The following BDP1 variants were observed in gnomAD, a reference collection of about 807,000 sequenced individuals.
The protein encoded by BDP1 is BDP1 general transcription factor IIIB subunit, also known as transcription factor TFIIIB component B'' homolog.
BDP1 carries 169 observed loss-of-function variants against 266.6 expected under a neutral mutation model. That is an observed-to-expected ratio of 0.63 (90% confidence interval 0.56 to 0.72). BDP1 has a LOEUF of 0.72. Ranked by LOEUF, BDP1 falls within the 30% of genes least tolerant of loss-of-function variation. BDP1 has a pLI of 0.00. For missense variants in BDP1, 3,015 were observed against 3,053.8 expected (o/e 0.99, Z 0.30); for synonymous variants, 1,090 against 1,022.4 (o/e 1.07, Z -1.26).
At chr5:71,552,517 C>T (rs1214220047) in intron 34 of BDP1, among the ~76,000 whole-genome samples, 2 of 152,264 alleles carry the variant, frequency 1.3e-5, no homozygotes, top group Non-Finnish European at 2.9e-5. Context: ...CACCGCACTC[C>T]AGCCTGGGCA....
At chr5:71,482,765 T>A (rs1439246425) in intron 7 of BDP1, among the ~76,000 whole-genome samples, 1 of 152,210 alleles carries the variant, frequency 6.6e-6, no homozygotes, top group African/African-American at 2.4e-5. Flanking sequence ...GTAACATTTG[T>A]TAACTTTTGA....
rs191238264 is a variant in BDP1 at position 71,541,575 on chromosome 5, T to A, written c.6144T>A (p.Thr2048=). 9.3e-4 allele frequency: 1,495 copies of A among 1,612,646 alleles called. 4 individuals are homozygous for A. The highest frequency in any genetic ancestry group is 2.4e-3 in the Admixed American group (143 of 59,970). ...ECQELSSPVI[T]TSPASFEENK... is the part of the protein sequence containing the mutation. Reference sequence around the variant, plus strand: ...AGGAACTTTCTTCACCTGTCATTACTACATCTCCTGCATCATTTGAAGAAA... The same window carrying A: ...AGGAACTTTCTTCACCTGTCATTACAACATCTCCTGCATCATTTGAAGAAA... Residue 2048 remains threonine (T), a synonymous_variant, in exon 29 of 39, where the codon ACT becomes ACA. Coordinates refer to ENST00000358731, the MANE Select transcript of BDP1 (RefSeq NM_018429.3).
At chr5:71,523,577 G>A (rs138686704) in intron 24 of BDP1, among the ~76,000 whole-genome samples, 27 of 152,318 alleles carry the variant, frequency 1.8e-4, no homozygotes, top group African/African-American at 6.5e-4. Context: ...TCCTCCCAAA[G>A]TGCTGGGAGT....
At chr5:71,491,926 T>C (rs1272399911) in intron 11 of BDP1, among the ~76,000 whole-genome samples, 1 of 152,138 alleles carries the variant, frequency 6.6e-6, no homozygotes, top group Non-Finnish European at 1.5e-5. Flanking sequence ...ACCATTTTGC[T>C]CAGGCTGGTC....
intron 16 of BDP1, among the ~76,000 whole-genome samples, chr5:71,508,328 G>A (rs1036055850): frequency 6.0e-5 from 9 of 149,766 alleles, no homozygotes; most frequent in Admixed American, 6.0e-4. Context: ...TTTTGAGATG[G>A]GATCTTGCTC....
intron 8 of BDP1, among the ~76,000 whole-genome samples, chr5:71,484,434 T>A (rs1312864373): frequency 6.6e-6 from 1 of 152,068 alleles, no homozygotes; most frequent in Non-Finnish European, 1.5e-5. Context: ...AGGTAGTGAT[T>A]CATTTCCAAA....
intron 25 of BDP1, among the ~76,000 whole-genome samples, chr5:71,525,758 C>T (rs1437367542): frequency 4.0e-5 from 6 of 151,528 alleles, no homozygotes; most frequent in Non-Finnish European, 7.4e-5. Flanking sequence ...CCCTCCCGGA[C>T]GGGGTGGCTG....
intron 28 of BDP1, among the ~76,000 whole-genome samples, chr5:71,540,167 A>T (rs1005264399): frequency 6.6e-6 from 1 of 152,202 alleles, no homozygotes; most frequent in Non-Finnish European, 1.5e-5. Context: ...ATTAGATGGA[A>T]ATCACAGACA....
chr5:71,525,821 G>T (rs1416899262), intron 25 of BDP1, among the ~76,000 whole-genome samples: 1 of 149,594 alleles, frequency 6.7e-6, no homozygotes, highest in Non-Finnish European at 1.5e-5. Context: ...GGGCGGAGGG[G>T]CTCCTCACTT....
intron 34 of BDP1, among the ~76,000 whole-genome samples, chr5:71,552,345 C>T (rs1357634370): frequency 8.0e-5 from 8 of 99,830 alleles, no homozygotes; most frequent in African/African-American, 2.2e-4. Context: ...ATGGGATGGC[C>T]GCCGGGCAGA....
intron 16 of BDP1, 134 bp downstream of exon 16, chr5:71,504,885 A>G (rs927722358): frequency 2.5e-6 from 2 of 794,596 alleles, no homozygotes; most frequent in African/African-American, 3.5e-5. Flanking sequence ...TTAAAAATAT[A>G]ACTTCACCTT....
intron 5 of BDP1, 51 bp downstream of exon 5, chr5:71,466,272 G>C: frequency 1.2e-6 from 2 of 1,602,090 alleles, no homozygotes; most frequent in Non-Finnish European, 1.7e-6. Context: ...GAACAAACAT[G>C]CTTTGTCTAG....
Position 71,565,967 on chromosome 5 carries a change from C to G in BDP1, c.*1082C>G, listed in dbSNP as rs765730317. Reference sequence around the variant, plus strand: ...ATATTCAGTTTTAGCTATTTTTACCCCTCAGATTGTAGATAAAGAAGGCAT... The same window carrying G: ...ATATTCAGTTTTAGCTATTTTTACCGCTCAGATTGTAGATAAAGAAGGCAT... On this transcript the variant is annotated 3_prime_UTR_variant, in exon 39 of 39. Transcript: ENST00000358731. The G allele has an allele frequency of 2.0e-5, 4 of 201,420 alleles. No homozygotes were observed. The South Asian group carries it at 2.3e-4, about 12-fold the overall frequency. The allele number at this position is 201,420 out of a possible 1,614,324, so 12.5% of individuals were successfully genotyped here.
intron 15 of BDP1, among the ~76,000 whole-genome samples, chr5:71,503,999 G>A (rs920893081): frequency 6.6e-6 from 1 of 151,660 alleles, no homozygotes; most frequent in African/African-American, 2.4e-5. Context: ...CTGACCAGGC[G>A]CAGTGGCTCA....
At chr5:71,576,694 G>A in the BDP1 span, among the ~76,000 whole-genome samples, 72,723 of 151,994 alleles carry the variant, frequency 0.48, 17,666 homozygotes, top group South Asian at 0.55. Flanking sequence ...ATCAGAAATC[G>A]TGGCACAAAC....
At chr5:71,545,799 A>G (rs1172515047) in intron 32 of BDP1, among the ~76,000 whole-genome samples, 1 of 151,826 alleles carries the variant, frequency 6.6e-6, no homozygotes, top group African/African-American at 2.4e-5. Flanking sequence ...TGTAAAGAAC[A>G]GGTGTGGACC....
intron 2 of BDP1, among the ~76,000 whole-genome samples, chr5:71,460,209 G>T (rs1309934506): frequency 1.3e-5 from 2 of 152,090 alleles, no homozygotes; most frequent in African/African-American, 4.8e-5. Context: ...GTGAAACCCC[G>T]TCTCTACTAA....
chr5:71,561,924 A>C (rs1743684439), intron 37 of BDP1, among the ~76,000 whole-genome samples: 1 of 152,104 alleles, frequency 6.6e-6, no homozygotes, highest in Non-Finnish European at 1.5e-5. Context: ...TTCCCACCTT[A>C]GCCTCCCAAA....
At chr5:71,546,199 A>G (rs1467492182) in intron 32 of BDP1, among the ~76,000 whole-genome samples, 7 of 152,158 alleles carry the variant, frequency 4.6e-5, no homozygotes, top group Non-Finnish European at 1.0e-4. Flanking sequence ...TTTATTTTGA[A>G]AAATTTTAAA....
Sources: gnomAD v4.1 joint callset for allele counts (sites outside exome capture counted in the v4.1 genomes callset) on GRCh38, gnomAD v4.1.1 for gene constraint, MANE v1.5 for transcripts, NCBI Gene and HGNC (gene_info 2026-07-23, HGNC 2026-07-21) for gene names.